FBLN1: variants seen among roughly 807,000 people sequenced by gnomAD.
FBLN1 encodes fibulin-1.
In FBLN1, 34 loss-of-function variants were observed where a neutral mutation model predicts 89.7. That is an observed-to-expected ratio of 0.38 (90% CI 0.29 to 0.50). The LOEUF (loss-of-function observed/expected upper bound fraction) is 0.50. FBLN1 is among the 20% of genes least tolerant of loss of function. The pLI, the probability that FBLN1 is intolerant of heterozygous loss-of-function variation, is 0.92. For missense variants in FBLN1, 777 were observed against 988.1 expected (o/e 0.79, Z 2.86); for synonymous variants, 393 against 391.3 (o/e 1.00, Z -0.05).
At position 45,572,423 on chromosome 22, in the gene FBLN1, T is replaced by C. The variant is rs1039889336; in HGVS notation, c.1698-2088T>C. On this transcript the variant is annotated intron_variant, in intron 14 of 16. Transcript: ENST00000327858. The surrounding 1 kb of genome is among the most constrained non-coding windows in gnomAD (Gnocchi z 5.8). ...CGGAGTGGCTTCCATCATGGGTTCA[T>C]ACTGATTTTTTTTTCCCCAAAAATC... Among the ~76,000 whole-genome samples the C allele has an allele frequency of 1.4e-4, 21 of 152,242 alleles. No homozygotes were observed.
chr22:45,517,605 C>T (rs1383030350), intron 1 of FBLN1: 11 of 471,202 alleles, frequency 2.3e-5, no homozygotes, highest in South Asian at 1.2e-4. Flanking sequence ...GGCCAGGCTG[C>T]GGTTACTCCT....
rs994401536 is a variant in FBLN1 at position 45,600,651 on chromosome 22, G to C, written c.*205G>C. On this transcript the variant is annotated 3_prime_UTR_variant, in exon 17 of 17. Coordinates refer to ENST00000327858, the MANE Select transcript of FBLN1 (RefSeq NM_006486.3). ...AAAAAATGAGCCCAGTTGCTCAACT[G>C]TTTGGTTGAAAACCTTGCTCATTTT... 6.2e-6 allele frequency: 4 copies of C among 647,204 alleles called. No homozygotes were observed. In the African/African-American group the frequency reaches 7.2e-5, roughly 12 times the overall value. The allele number at this position is 647,204 out of a possible 1,614,324, so 40.1% of individuals were successfully genotyped here.
intron 1 of FBLN1, among the ~76,000 whole-genome samples, chr22:45,517,910 C>T (rs8143027): frequency 0.28 from 42,462 of 152,020 alleles, 6,800 homozygotes; most frequent in East Asian, 0.54. Flanking sequence ...GCTGGCCAAT[C>T]ACGCAAGTTC....
chr22:45,537,974 G>T lies in FBLN1; in HGVS notation c.922+2637G>T, dbSNP rs1017212824. Reference sequence around the variant, plus strand: ...CCTGACTCATGGCAAAATCAGCCCCGATTTCCACAAAGAGGCAATGTTTGC... The same window carrying T: ...CCTGACTCATGGCAAAATCAGCCCCTATTTCCACAAAGAGGCAATGTTTGC... On this transcript the variant is annotated intron_variant, in intron 8 of 16. Coordinates refer to ENST00000327858, the MANE Select transcript of FBLN1 (RefSeq NM_006486.3). This position sits in a 1 kb window ranked among gnomAD's most constrained non-coding sequence, Gnocchi z 5.7. Among the ~76,000 whole-genome samples the T allele has an allele frequency of 2.0e-5, 3 of 152,226 alleles. No homozygotes were observed. Among genetic ancestry groups the T allele is most frequent in the African/African-American group, 7.2e-5 (3 of 41,470 alleles).
chr22:45,519,525 G>T (rs775653647), intron 2 of FBLN1, among the ~76,000 whole-genome samples: 70 of 151,512 alleles, frequency 4.6e-4, no homozygotes, highest in Non-Finnish European at 8.7e-4. Flanking sequence ...TTGGGAGGCT[G>T]AGGCCAGAGA....
In FBLN1 at chr22:45,580,775, C is replaced by T; in HGVS notation, c.1972+3667C>T. ...GCCCCGGGGCTCGCCGTGTTCAGTC[C>T]TCCCAGAGTAACAGAAGAAGAGGGA... On this transcript the variant is annotated intron_variant, in intron 16 of 16. Coordinates refer to ENST00000327858, the MANE Select transcript of FBLN1 (RefSeq NM_006486.3). The surrounding 1 kb of genome is among the most constrained non-coding windows in gnomAD (Gnocchi z 8.6). Among the ~76,000 whole-genome samples, 1 of 152,074 alleles carries T rather than the reference C, an allele frequency of 6.6e-6. No individual in the cohort carries two copies. Among genetic ancestry groups the T allele is most frequent in the Non-Finnish European group, 1.5e-5 (1 of 68,002 alleles).
intron 16 of FBLN1, among the ~76,000 whole-genome samples, chr22:45,587,873 C>G (rs1416807437): frequency 6.6e-6 from 1 of 152,226 alleles, no homozygotes; most frequent in Non-Finnish European, 1.5e-5. Context: ...ACACGCTCCA[C>G]ATGCAGAGTG....
intron 16 of FBLN1, among the ~76,000 whole-genome samples, chr22:45,584,266 G>A (rs529521890): frequency 2.6e-5 from 4 of 152,196 alleles, no homozygotes; most frequent in South Asian, 2.1e-4. Context: ...GTGCTGAGTC[G>A]TGGGAGCCTC....
rs1425932707 is a variant in FBLN1 at position 45,562,820 on chromosome 22, C to G, written c.1698-11691C>G. Reference sequence around the variant, plus strand: ...CCAGAGGGGCGGCGGGAGGCCCCGCCTGCCAGCCCCGCATCCCCGCGCTCT... The same window carrying G: ...CCAGAGGGGCGGCGGGAGGCCCCGCGTGCCAGCCCCGCATCCCCGCGCTCT... On this transcript the variant is annotated intron_variant, in intron 14 of 16. Coordinates refer to ENST00000327858, the MANE Select transcript of FBLN1 (RefSeq NM_006486.3). This position sits in a 1 kb window ranked among gnomAD's most constrained non-coding sequence, Gnocchi z 7.8. 7.7e-7 allele frequency: 1 copy of G among 1,302,604 alleles called. No individual in the cohort carries two copies. Among genetic ancestry groups the G allele is most frequent in the Admixed American group, 1.7e-5 (1 of 59,572 alleles). The allele number at this position is 1,302,604 out of a possible 1,614,324, so 80.7% of individuals were successfully genotyped here. A position where few individuals can be genotyped will look rare whatever the true frequency, so the allele number is the denominator to read the frequency against.
At chr22:45,587,080 G>A (rs2089093456) in intron 16 of FBLN1, among the ~76,000 whole-genome samples, 2 of 152,176 alleles carry the variant, frequency 1.3e-5, no homozygotes, top group Non-Finnish European at 2.9e-5. Context: ...AATGGGATGT[G>A]AGGTTCACGA....
At chr22:45,503,238 C>G (rs2087971947) in intron 1 of FBLN1, 174 bp downstream of exon 1, 3 of 347,878 alleles carry the variant, frequency 8.6e-6, no homozygotes, top group Admixed American at 5.0e-5. Flanking sequence ...CGGCCAGCTC[C>G]GGTCCTCATC....
chr22:45,507,145 G>A (rs982097980), intron 1 of FBLN1, among the ~76,000 whole-genome samples: 2 of 152,102 alleles, frequency 1.3e-5, no homozygotes, highest in East Asian at 1.9e-4. Context: ...GTCACCCAGC[G>A]AGGAGCGGGG....
chr22:45,503,115 G>A lies in FBLN1; in HGVS notation c.79+51G>A, dbSNP rs565022540. Reference sequence around the variant, plus strand: ...CCAGCTTAGGGTCCCGACCCCCTCGGCCTCGCGCTCCCTGCGAGTTTCGGA... The same window carrying A: ...CCAGCTTAGGGTCCCGACCCCCTCGACCTCGCGCTCCCTGCGAGTTTCGGA... On this transcript the variant is annotated intron_variant, in intron 1 of 16. Transcript: ENST00000327858. The A allele has an allele frequency of 4.0e-5, 48 of 1,206,218 alleles. No homozygotes were observed. The African/African-American group carries it at 6.2e-4, about 15-fold the overall frequency. 74.7% of individuals were successfully genotyped at this position (1,206,218 alleles called of 1,614,324 possible).
intron 2 of FBLN1, among the ~76,000 whole-genome samples, chr22:45,520,323 G>A (rs2088232940): frequency 6.6e-6 from 1 of 152,244 alleles, no homozygotes. Flanking sequence ...GAGGCCAGAA[G>A]TCTGAGACCG....
intron 14 of FBLN1, chr22:45,564,883 G>A: frequency 6.2e-7 from 1 of 1,613,878 alleles, no homozygotes; most frequent in Non-Finnish European, 8.5e-7. Context: ...ACTGTTTCCA[G>A]GCAGAAATCC....
At chr22:45,595,134 C>T (rs190564396) in intron 16 of FBLN1, among the ~76,000 whole-genome samples, 1 of 152,154 alleles carries the variant, frequency 6.6e-6, no homozygotes, top group African/African-American at 2.4e-5. Context: ...AACCTGTTCC[C>T]CAAACCAGAG....
chr22:45,598,107 G>A (rs911858583), intron 16 of FBLN1, among the ~76,000 whole-genome samples: 21 of 152,214 alleles, frequency 1.4e-4, no homozygotes, highest in African/African-American at 2.2e-4. Context: ...GGAATCAGCC[G>A]TTTGTGGCAA....
chr22:45,548,481 C>A, intron 12 of FBLN1, 132 bp from the exon 13 acceptor site: 2 of 1,227,774 alleles, frequency 1.6e-6, no homozygotes, highest in Non-Finnish European at 1.1e-6. Flanking sequence ...GTCTCTGAGG[C>A]TTCCTGTGTT....
chr22:45,535,419 C>T (rs1429262437), intron 8 of FBLN1, 82 bp downstream of exon 8: 18 of 1,549,934 alleles, frequency 1.2e-5, no homozygotes, highest in Middle Eastern at 1.8e-4. Context: ...CTAGAATCTG[C>T]GGGGCCGCAT....
Sources: allele counts gnomAD v4.1 joint callset (sites outside exome capture counted in the v4.1 genomes callset), GRCh38; gene constraint gnomAD v4.1.1; non-coding constraint Gnocchi (gnomAD v3.1); transcripts MANE v1.5; gene names NCBI Gene and HGNC (gene_info 2026-07-23, HGNC 2026-07-21).